The following AHCY variants were observed in gnomAD, a reference collection of about 807,000 sequenced individuals.
AHCY encodes S-adenosyl-L-homocysteine hydrolase.
A neutral mutation model predicts 45.4 loss-of-function variants in AHCY; 24 were observed. That is an observed-to-expected ratio of 0.53 (90% CI 0.38 to 0.74). The LOEUF is 0.74. Among genes scored for constraint, AHCY ranks in the 30% least tolerant of loss-of-function variants. The probability of loss-of-function intolerance (pLI) is 0.00; values close to 1 mark genes in which losing one functional copy is unlikely to be tolerated. For missense variants in AHCY, 449 were observed against 594.1 expected, an observed-to-expected ratio of 0.76 and a Z score of 2.54; for synonymous variants, 245 against 235.1, an observed-to-expected ratio of 1.04 and a Z score of -0.39.
At chr20:34,303,558 C>T (rs1300504430), upstream of AHCY, among the ~76,000 whole-genome samples, 1 of 152,200 alleles carries the variant, frequency 6.6e-6, no homozygotes, top group Admixed American at 6.5e-5. Flanking sequence ...GAGAGCCAGC[C>T]GGGCCGTCCT....
At chr20:34,259,788 T>C in the AHCY span, among the ~76,000 whole-genome samples, 1 of 151,474 alleles carries the variant, frequency 6.6e-6, no homozygotes, top group Non-Finnish European at 1.5e-5. Flanking sequence ...AATAAATACA[T>C]AAATCCAGGG....
the AHCY span, among the ~76,000 whole-genome samples, chr20:34,272,230 C>T: frequency 6.6e-6 from 1 of 152,184 alleles, no homozygotes; most frequent in Non-Finnish European, 1.5e-5. Flanking sequence ...CCTTGACTGA[C>T]AGTCCCATTG....
At chr20:34,246,535 A>C in the AHCY span, 42 of 1,032,478 alleles carry the variant, frequency 4.1e-5, no homozygotes, top group Non-Finnish European at 5.9e-5. Flanking sequence ...CAGAAATCTC[A>C]GCTCACTGCA....
chr20:34,290,210 G>A lies in AHCY; in HGVS notation c.972+122C>T, dbSNP rs2036327591. On this transcript the variant is annotated intron_variant, in intron 8 of 9. Coordinates refer to ENST00000217426, the MANE Select transcript of AHCY (RefSeq NM_000687.4). The surrounding 1 kb of genome is among the most constrained non-coding windows in gnomAD (Gnocchi z 4.5). ...CCACGTCTGGCTGGCTCTGATGCTA[G>A]GCCCTCTTCTCCCCATCCCCCTGCA... 1.0e-6 allele frequency: 1 copy of A among 964,524 alleles called. No individual in the cohort carries two copies. The highest frequency in any genetic ancestry group is 1.3e-5 in the South Asian group (1 of 78,134). 59.7% of individuals were successfully genotyped at this position (964,524 alleles called of 1,614,324 possible).
At chr20:34,300,898 C>T (rs2036748564) in intron 1 of AHCY, among the ~76,000 whole-genome samples, 1 of 152,190 alleles carries the variant, frequency 6.6e-6, no homozygotes, top group African/African-American at 2.4e-5. Context: ...GGAGACAATA[C>T]TACTTTATCT....
chr20:34,243,291 G>A, the AHCY span, among the ~76,000 whole-genome samples: 1 of 152,192 alleles, frequency 6.6e-6, no homozygotes, highest in Admixed American at 6.5e-5. Flanking sequence ...GAGTTCTGAA[G>A]CAGGTTGTCT....
At chr20:34,249,581 A>G in the AHCY span, among the ~76,000 whole-genome samples, 280 of 152,258 alleles carry the variant, frequency 1.8e-3, 4 homozygotes, top group East Asian at 0.018. Flanking sequence ...TTAAAGGGCC[A>G]ATGGCTTGGT....
the AHCY span, among the ~76,000 whole-genome samples, chr20:34,239,931 T>C: frequency 2.0e-5 from 3 of 152,204 alleles, no homozygotes; most frequent in African/African-American, 7.2e-5. Context: ...AAGCAATACA[T>C]TGTGACTGTT....
Position 34,292,403 on chromosome 20 carries a change from CG to C in AHCY, c.399del (p.Asp134ThrfsTer34), listed in dbSNP as rs1241852394. On this transcript the variant is annotated frameshift_variant, in exon 4 of 10. Coordinates refer to ENST00000217426, the MANE Select transcript of AHCY (RefSeq NM_000687.4). LOFTEE classifies it high-confidence loss of function. Reference protein sequence around the residue: ...GPLNMILDDGGDLTNLIHTKY... With the variant: ...GPLNMILDDGXDLTNLIHTKY... ...TTGGTGTGGATGAGGTTGGTGAGGT[CG>C]CCCCCGTCGTCCAGAATCATGTTGA... is the stretch of plus-strand genomic sequence containing the variant. 6.2e-7 allele frequency: 1 copy of C among 1,613,558 alleles called. No individual in the cohort carries two copies. The highest frequency in any genetic ancestry group is 8.5e-7 in the Non-Finnish European group (1 of 1,180,034).
chr20:34,272,948 G>C, the AHCY span, among the ~76,000 whole-genome samples: 1 of 152,344 alleles, frequency 6.6e-6, no homozygotes, highest in East Asian at 1.9e-4. Context: ...ATGAAGAGAT[G>C]CATAGGGTGA....
chr20:34,283,098 C>T (rs773981522), intron 9 of AHCY, among the ~76,000 whole-genome samples: 11 of 152,120 alleles, frequency 7.2e-5, no homozygotes, highest in African/African-American at 1.4e-4. Flanking sequence ...ACTGAGTCCA[C>T]GTCAGTTCCA....
At chr20:34,304,176 A>G (rs555163651), upstream of AHCY, among the ~76,000 whole-genome samples, 27 of 152,186 alleles carry the variant, frequency 1.8e-4, no homozygotes, top group African/African-American at 6.5e-4. Flanking sequence ...TTATATATCA[A>G]CCGTATTTAC....
intron 1 of AHCY, chr20:34,302,615 C>G (rs1271396501): frequency 1.0e-6 from 1 of 985,518 alleles, no homozygotes; most frequent in Non-Finnish European, 1.2e-6. Context: ...CCCTGTATTA[C>G]ACTTCAATCG....
At chr20:34,310,329 G>A (rs1378423243) in intron 1 of AHCY, among the ~76,000 whole-genome samples, 1 of 152,190 alleles carries the variant, frequency 6.6e-6, no homozygotes, top group African/African-American at 2.4e-5. Flanking sequence ...AAAGTGCTGG[G>A]ATTACAGACG....
At chr20:34,241,327 C>A in the AHCY span, among the ~76,000 whole-genome samples, 4 of 152,178 alleles carry the variant, frequency 2.6e-5, no homozygotes, top group Non-Finnish European at 4.4e-5. Context: ...TCTGAAAGAA[C>A]CTTCCTGCCT....
chr20:34,235,866 AAAGG>A, the AHCY span, among the ~76,000 whole-genome samples: 5,174 of 36,256 alleles, frequency 0.14, 629 homozygotes, highest in Middle Eastern at 0.16. Context: ...GGAAGGAAGG[AAAGG>A]AAGGAAGGAA....
chr20:34,263,232 T>G, the AHCY span, among the ~76,000 whole-genome samples: 1 of 152,366 alleles, frequency 6.6e-6, no homozygotes, highest in East Asian at 1.9e-4. Context: ...AACTTTGCCA[T>G]ATCTGAGTTC....
chr20:34,234,646 A>T, the AHCY span, among the ~76,000 whole-genome samples: 1 of 152,034 alleles, frequency 6.6e-6, no homozygotes, highest in Non-Finnish European at 1.5e-5. Flanking sequence ...TACTAAAAAT[A>T]CAAAAATTCG....
At chr20:34,283,217 G>A (rs2122719682) in intron 9 of AHCY, among the ~76,000 whole-genome samples, 1 of 152,232 alleles carries the variant, frequency 6.6e-6, no homozygotes, top group South Asian at 2.1e-4. Flanking sequence ...GAACCAGAAG[G>A]TGTGTGTCAC....
Sources: gnomAD v4.1 joint callset for allele counts (sites outside exome capture counted in the v4.1 genomes callset) on GRCh38, gnomAD v4.1.1 for gene constraint, Gnocchi (gnomAD v3.1) non-coding constraint, MANE v1.5 for transcripts, NCBI Gene and HGNC (gene_info 2026-07-23, HGNC 2026-07-21) for gene names.